CPS1: variants seen among roughly 807,000 people sequenced by gnomAD.
CPS1 encodes carbamoyl-phosphate synthase 1.
Under a neutral mutation model 174.6 loss-of-function variants are expected in CPS1, and 109 were observed. The ratio of observed to expected loss-of-function variants is 0.62; its 90% CI spans 0.53 to 0.73. The LOEUF (loss-of-function observed/expected upper bound fraction) is 0.73, where lower values mean the gene tolerates loss of function less well. Among genes scored for constraint, CPS1 ranks in the 30% least tolerant of loss-of-function variants. The probability of loss-of-function intolerance (pLI) is 0.00; values close to 1 mark genes in which losing one functional copy is unlikely to be tolerated. For missense variants in CPS1, 1,689 were observed against 1,821.9 expected (o/e 0.93, Z 1.33); for synonymous variants, 637 against 632.0 (o/e 1.01, Z -0.12).
rs1355570027 is a variant in CPS1 at position 210,579,711 on chromosome 2, T to C, written c.472-3T>C. 6 of 1,612,180 alleles carry C rather than the reference T, an allele frequency of 3.7e-6. No individual in the cohort carries two copies. The highest frequency in any genetic ancestry group is 5.1e-6 in the Non-Finnish European group (6 of 1,178,640). The stretch of plus-strand genomic sequence containing the variant: ...CACTGTCACTACAATTTTTTTCTTA[T>C]AGGTTCCTGCAATTTATGGAGTGGA... On this transcript the variant is annotated splice_region_variant and splice_polypyrimidine_tract_variant and intron_variant, in intron 4 of 37. Coordinates refer to ENST00000233072, the MANE Select transcript of CPS1 (RefSeq NM_001875.5).
intron 1 of CPS1, among the ~76,000 whole-genome samples, chr2:210,497,959 A>T (rs998435247): frequency 7.2e-5 from 10 of 139,838 alleles, no homozygotes; most frequent in African/African-American, 2.4e-4. Context: ...GCTGAATGGT[A>T]GTTCTGCTTT....
At chr2:210,612,756 T>C (rs1699172894) in intron 20 of CPS1, among the ~76,000 whole-genome samples, 2 of 151,956 alleles carry the variant, frequency 1.3e-5, no homozygotes, top group African/African-American at 4.8e-5. Context: ...TCTCTTTCTG[T>C]GTTTAAAAAA....
chr2:210,672,528 T>G (rs942023233), intron 34 of CPS1: 1 of 152,206 alleles, frequency 6.6e-6, no homozygotes, highest in African/African-American at 2.4e-5. Flanking sequence ...GAAAAAAAAT[T>G]TATATGCCAT....
chr2:210,551,422 A>T (rs1696727889), intron 1 of CPS1, among the ~76,000 whole-genome samples: 1 of 152,034 alleles, frequency 6.6e-6, no homozygotes, highest in Non-Finnish European at 1.5e-5. Flanking sequence ...TGTTGAATTA[A>T]CATCTAACAT....
intron 1 of CPS1, among the ~76,000 whole-genome samples, chr2:210,543,179 A>G (rs1696476882): frequency 1.3e-5 from 2 of 152,314 alleles, no homozygotes; most frequent in Non-Finnish European, 1.5e-5. Context: ...TTAGCTTCCT[A>G]TGTGGGCTCA....
intron 1 of CPS1, among the ~76,000 whole-genome samples, chr2:210,564,536 T>C (rs981306010): frequency 8.5e-5 from 13 of 152,170 alleles, no homozygotes; most frequent in Middle Eastern, 3.4e-3. Flanking sequence ...CCACCACGCC[T>C]GGCTAATTTT....
intron 1 of CPS1, among the ~76,000 whole-genome samples, chr2:210,520,516 A>ATG (rs1423896536): frequency 6.6e-6 from 1 of 151,942 alleles, no homozygotes; most frequent in African/African-American, 2.4e-5. Context: ...CCCTGTGTCC[A>ATG]TGTGTTCTCA....
At chr2:210,627,613 G>A (rs2105882603) in intron 21 of CPS1, among the ~76,000 whole-genome samples, 1 of 152,280 alleles carries the variant, frequency 6.6e-6, no homozygotes, top group South Asian at 2.1e-4. Context: ...AGACTATAAG[G>A]CAGCGACCAT....
chr2:210,613,603 G>A (rs1187896934), intron 20 of CPS1, among the ~76,000 whole-genome samples: 1 of 151,496 alleles, frequency 6.6e-6, no homozygotes, highest in Non-Finnish European at 1.5e-5. Context: ...TTTTTTCTCA[G>A]GCAAAGGACA....
chr2:210,647,080 C>T (rs938608618), intron 25 of CPS1, among the ~76,000 whole-genome samples: 2 of 152,066 alleles, frequency 1.3e-5, no homozygotes, highest in Non-Finnish European at 2.9e-5. Flanking sequence ...AAATCAGTTA[C>T]TAGGTACTGT....
chr2:210,478,021 A>G (rs1263670178), intron 1 of CPS1, among the ~76,000 whole-genome samples: 1 of 152,148 alleles, frequency 6.6e-6, no homozygotes, highest in Non-Finnish European at 1.5e-5. Flanking sequence ...AATGATGGAC[A>G]TTGTTTCTAA....
At chr2:210,657,229 C>T (rs1186258324) in intron 30 of CPS1, 1 of 156,308 alleles carries the variant, frequency 6.4e-6, no homozygotes, top group Non-Finnish European at 1.4e-5. Flanking sequence ...GAGAGCCAGC[C>T]GTATAAAGAA....
At chr2:210,477,694 T>C (rs967487894) in exon 1 of CPS1, 16 of 1,600,916 alleles carry the variant, frequency 1.0e-5, no homozygotes, top group African/African-American at 1.3e-5. Context: ...TCTTTTAAAA[T>C]AGTTGCTTTC....
intron 1 of CPS1, among the ~76,000 whole-genome samples, chr2:210,482,490 C>T (rs1694598029): frequency 6.6e-6 from 1 of 151,780 alleles, no homozygotes; most frequent in East Asian, 1.9e-4. Flanking sequence ...TTTTAGTAGA[C>T]ACAGGGTTTC....
chr2:210,521,306 T>G (rs1216245806), intron 1 of CPS1, among the ~76,000 whole-genome samples: 3 of 151,910 alleles, frequency 2.0e-5, no homozygotes, highest in African/African-American at 7.2e-5. Flanking sequence ...CCTCATCTTT[T>G]TTCTTTCTAC....
chr2:210,558,052 G>C (rs1035532753), intron 1 of CPS1, among the ~76,000 whole-genome samples: 2 of 151,738 alleles, frequency 1.3e-5, no homozygotes, highest in African/African-American at 4.8e-5. Flanking sequence ...GAGAAAGAGA[G>C]AGAAACTAGC....
rs756334311 is a variant in CPS1, at chr2:210,675,743, G to A, written c.4177G>A (p.Ala1393Thr). 6.3e-6 allele frequency: 10 copies of A among 1,589,408 alleles called. No individual in the cohort carries two copies. Among genetic ancestry groups the A allele is most frequent in the East Asian group, 2.2e-5 (1 of 44,742 alleles). ...TTAAATGCAGCTGTTTGCCACGGAA[G>A]CCACATCAGACTGGCTCAACGCCAA... Reference protein sequence around the residue: ...NEGFKLFATEATSDWLNANNV... With the variant: ...NEGFKLFATETTSDWLNANNV... The change falls in exon 36 of 38, where the codon GCC becomes ACC. Residue 1393 changes from alanine (A) to threonine (T), a missense_variant. Coordinates refer to ENST00000233072, the MANE Select transcript of CPS1 (RefSeq NM_001875.5).
At chr2:210,491,461 G>A (rs964378663) in intron 1 of CPS1, among the ~76,000 whole-genome samples, 2 of 151,578 alleles carry the variant, frequency 1.3e-5, no homozygotes, top group African/African-American at 2.4e-5. Context: ...CTACAGGCAC[G>A]TGCCACCATG....
intron 27 of CPS1, among the ~76,000 whole-genome samples, chr2:210,649,048 AAAG>A (rs1479638503): frequency 2.0e-5 from 3 of 152,264 alleles, no homozygotes; most frequent in African/African-American, 4.8e-5. Context: ...TTTTATCATA[AAAG>A]AAGAAGTTGT....
Sources: allele counts gnomAD v4.1 joint callset (sites outside exome capture counted in the v4.1 genomes callset), GRCh38; gene constraint gnomAD v4.1.1; transcripts MANE v1.5; gene names NCBI Gene and HGNC (gene_info 2026-07-23, HGNC 2026-07-21).